The following DNAH14 variants were observed in gnomAD, a reference collection of about 807,000 sequenced individuals.
The protein encoded by DNAH14 is dynein axonemal heavy chain 14.
DNAH14 carries 478 observed loss-of-function variants against 520.9 expected under a neutral mutation model. The observed-to-expected ratio is 0.92, with a 90% CI of 0.85 to 0.99. The LOEUF is 0.99. Ranked by LOEUF, DNAH14 falls within the 50% of genes least tolerant of loss-of-function variation. The pLI is 0.00. For missense variants in DNAH14, 4,831 were observed against 5,234.5 expected (o/e 0.92, Z 2.38); for synonymous variants, 1,581 against 1,757.2 (o/e 0.90, Z 2.51).
rs917740394 is a variant in DNAH14 at position 225,357,985 on chromosome 1, T to C, written c.11620-511T>C. On this transcript the variant is annotated intron_variant, in intron 73 of 85. Transcript: ENST00000682510. Reference sequence around the variant, plus strand: ...CTATGCATTTATACTGTTTCCAAAATCTTTTAGTCCATCTAGCATTCTTTT... The same window carrying C: ...CTATGCATTTATACTGTTTCCAAAACCTTTTAGTCCATCTAGCATTCTTTT... 7.0e-6 allele frequency: 4 copies of C among 568,328 alleles called. No individual in the cohort carries two copies. The African/African-American group carries it at 7.6e-5, about 11-fold the overall frequency. The allele number at this position is 568,328 out of a possible 1,614,324, so 35.2% of individuals were successfully genotyped here. A position where few individuals can be genotyped will look rare whatever the true frequency, so the allele number is the denominator to read the frequency against.
chr1:225,185,015 A>G (rs1054012941), intron 36 of DNAH14, among the ~76,000 whole-genome samples: 1 of 152,030 alleles, frequency 6.6e-6, no homozygotes, highest in Non-Finnish European at 1.5e-5. Context: ...CTGTTATTAA[A>G]ATAAAAAATA....
intron 8 of DNAH14, among the ~76,000 whole-genome samples, chr1:224,977,087 C>T (rs1189669445): frequency 1.3e-5 from 2 of 151,394 alleles, no homozygotes; most frequent in African/African-American, 2.4e-5. Flanking sequence ...TGGAACCAAC[C>T]CAAATGTCCA....
chr1:225,075,234 G>T (rs1329092467), intron 17 of DNAH14, among the ~76,000 whole-genome samples: 1 of 152,164 alleles, frequency 6.6e-6, no homozygotes, highest in African/African-American at 2.4e-5. Flanking sequence ...CTGGGTGGGG[G>T]AGGTTCACTT....
At chr1:225,217,869 C>T (rs541593806) in intron 41 of DNAH14, among the ~76,000 whole-genome samples, 1 of 152,246 alleles carries the variant, frequency 6.6e-6, no homozygotes, top group South Asian at 2.1e-4. Flanking sequence ...CAATGCCCCA[C>T]CCTGCTCCAT....
chr1:225,034,454 GTTTGCAGGTAT>G (rs1304238446), intron 11 of DNAH14, among the ~76,000 whole-genome samples: 1 of 151,706 alleles, frequency 6.6e-6, no homozygotes, highest in African/African-American at 2.4e-5. Flanking sequence ...GCTGTATTCA[GTTTGCAGGTAT>G]TTTGTTGAGG....
chr1:224,934,149 G>A (rs1004668585), intron 1 of DNAH14, among the ~76,000 whole-genome samples: 1 of 151,650 alleles, frequency 6.6e-6, no homozygotes, highest in East Asian at 1.9e-4. Flanking sequence ...TGACACCTCC[G>A]AAGGAACACA....
intron 8 of DNAH14, among the ~76,000 whole-genome samples, chr1:224,978,994 A>G (rs1251479448): frequency 6.6e-6 from 1 of 152,166 alleles, no homozygotes; most frequent in Non-Finnish European, 1.5e-5. Flanking sequence ...TAAAGGTTTG[A>G]GGTGATGAAT....
intron 41 of DNAH14, among the ~76,000 whole-genome samples, chr1:225,213,453 G>T (rs1383931799): frequency 6.6e-6 from 1 of 152,148 alleles, no homozygotes; most frequent in Non-Finnish European, 1.5e-5. Context: ...GAAAGTGATT[G>T]GTAGCTTGAA....
chr1:225,295,884 C>T (rs966459831), intron 55 of DNAH14, among the ~76,000 whole-genome samples: 1 of 152,050 alleles, frequency 6.6e-6, no homozygotes, highest in Non-Finnish European at 1.5e-5. Flanking sequence ...TCCCTCTCTT[C>T]CTTTAGATAT....
At chr1:225,340,089 C>T (rs1196512721) in intron 68 of DNAH14, among the ~76,000 whole-genome samples, 4 of 151,980 alleles carry the variant, frequency 2.6e-5, no homozygotes, top group Admixed American at 2.0e-4. Context: ...CTAGAGAAGT[C>T]TGATTTAAAA....
At chr1:225,216,911 G>C (rs977587967) in intron 41 of DNAH14, among the ~76,000 whole-genome samples, 36 of 152,282 alleles carry the variant, frequency 2.4e-4, no homozygotes, top group South Asian at 1.0e-3. Flanking sequence ...ACTCATCAAA[G>C]TCATTCTCCA....
rs1040814009 is a variant in DNAH14, at chr1:225,333,429, G to A, written c.10003G>A (p.Glu3335Lys). 1.3e-6 allele frequency: 2 copies of A among 1,551,278 alleles called. No individual in the cohort carries two copies. Among genetic ancestry groups the A allele is most frequent in the Admixed American group, 2.0e-5 (1 of 50,964 alleles). The change falls in exon 66 of 86, where the codon GAG becomes AAG. Residue 3335 changes from glutamate to lysine, a missense_variant. Transcript: ENST00000682510. ...EFRQLIVNKW[E>K]TFCIENGISL... ...TCGCCAGTTGATTGTGAATAAATGGGAGACATTCTGCATTGAAAATGGCAT... is the reference window on the plus strand; with the variant it reads ...TCGCCAGTTGATTGTGAATAAATGGAAGACATTCTGCATTGAAAATGGCAT...
rs1572784320 is a variant in DNAH14 at position 225,060,819 on chromosome 1, C to T, written c.2424+9024C>T. On this transcript the variant is annotated intron_variant, in intron 17 of 85. Transcript: ENST00000682510. Reference sequence around the variant, plus strand: ...GCCTGGGTATCAGCAGCAGACACTGCAGAACAGCGGATATTGGTGAACAGC... The same window carrying T: ...GCCTGGGTATCAGCAGCAGACACTGTAGAACAGCGGATATTGGTGAACAGC... 4.4e-5 allele frequency among the ~76,000 whole-genome samples: 2 copies of T among 45,498 alleles called. 1 individual carries two copies. Among genetic ancestry groups the T allele is most frequent in the East Asian group, 8.5e-4 (2 of 2,366 alleles). The allele number at this position is 45,498 out of a possible 152,430, so 29.8% of individuals were successfully genotyped here.
chr1:225,048,800 G>A (rs552035664), intron 15 of DNAH14, among the ~76,000 whole-genome samples: 25 of 152,176 alleles, frequency 1.6e-4, no homozygotes, highest in African/African-American at 5.8e-4. Flanking sequence ...TTGCAAAGTG[G>A]TTGTATCATT....
intron 84 of DNAH14, among the ~76,000 whole-genome samples, chr1:225,394,549 T>C (rs942026636): frequency 6.6e-6 from 1 of 152,178 alleles, no homozygotes; most frequent in Non-Finnish European, 1.5e-5. Context: ...CTATGATCTA[T>C]ATATAATTGA....
intron 8 of DNAH14, among the ~76,000 whole-genome samples, chr1:224,994,146 TATATTCTGTTGCTGTTAGATGCA>T (rs1212075839): frequency 6.6e-6 from 1 of 152,058 alleles, no homozygotes; most frequent in African/African-American, 2.4e-5. Context: ...GAGAACAATG[TATATTCTGTTGCTGTTAGATGCA>T]ATATTCTGTA....
chr1:225,369,239 T>A (rs761753419), intron 77 of DNAH14, among the ~76,000 whole-genome samples: 8 of 151,372 alleles, frequency 5.3e-5, no homozygotes, highest in African/African-American at 1.7e-4. Context: ...ATGGAAGGAA[T>A]GTTATCAGTC....
chr1:225,188,472 A>G lies in DNAH14; in HGVS notation c.5670+3047A>G, dbSNP rs1390553991. 4.6e-5 allele frequency among the ~76,000 whole-genome samples: 7 copies of G among 152,032 alleles called. No homozygotes were observed. In the South Asian group the frequency reaches 8.3e-4, roughly 18 times the overall value. On this transcript the variant is annotated intron_variant, in intron 37 of 85. Coordinates refer to ENST00000682510, the MANE Select transcript of DNAH14 (RefSeq NM_001367479.1). Reference sequence around the variant, plus strand: ...CATCTTACTGTGCCTAATTTCTAAAACTTTATCACAAGTATGTATCTATAG... The same window carrying G: ...CATCTTACTGTGCCTAATTTCTAAAGCTTTATCACAAGTATGTATCTATAG...
chr1:225,147,099 A>T lies in DNAH14; in HGVS notation c.4795-5A>T, dbSNP rs77795248. ...TAGTAATCAATCTCTTTTTTTTTTT[A>T]AAAGATAGTGAGAAAATTTTTCTTT... On this transcript the variant is annotated splice_polypyrimidine_tract_variant and splice_region_variant and intron_variant, in intron 30 of 85. Coordinates refer to ENST00000682510, the MANE Select transcript of DNAH14 (RefSeq NM_001367479.1). 23,286 of 1,446,652 alleles carry T rather than the reference A, an allele frequency of 0.016. 2,341 individuals carry two copies. In the African/African-American group the frequency reaches 0.28, roughly 17 times the overall value. The allele number at this position is 1,446,652 out of a possible 1,614,324, so 89.6% of individuals were successfully genotyped here.
Sources: gnomAD v4.1 joint callset for allele counts (sites outside exome capture counted in the v4.1 genomes callset) on GRCh38, gnomAD v4.1.1 for gene constraint, MANE v1.5 for transcripts, NCBI Gene and HGNC (gene_info 2026-07-23, HGNC 2026-07-21) for gene names.